TNRC6A: variants seen among roughly 807,000 people sequenced by gnomAD.
TNRC6A encodes trinucleotide repeat-containing gene 6A protein.
TNRC6A carries 44 observed loss-of-function variants against 221.2 expected under a neutral mutation model. That is an observed-to-expected ratio of 0.20 (90% CI 0.16 to 0.26). The LOEUF is 0.26. Ranked by LOEUF, TNRC6A falls within the 10% of genes least tolerant of loss-of-function variation. The probability of loss-of-function intolerance (pLI) is 1.00; values close to 1 mark genes in which losing one functional copy is unlikely to be tolerated. For missense variants in TNRC6A, 2,199 were observed against 2,404.4 expected (o/e 0.91, Z 1.79); for synonymous variants, 847 against 838.5 (o/e 1.01, Z -0.18).
intron 21 of TNRC6A, chr16:24,819,783 C>T (rs2058731887): frequency 4.6e-6 from 1 of 219,302 alleles, no homozygotes; most frequent in Non-Finnish European, 9.1e-6. Flanking sequence ...CTAAAATTCA[C>T]TTAAATGGCC....
At chr16:24,679,747 G>A (rs775718671) in intron 2 of TNRC6A, among the ~76,000 whole-genome samples, 19 of 151,996 alleles carry the variant, frequency 1.3e-4, no homozygotes, top group Non-Finnish European at 2.6e-4. Flanking sequence ...AAAGTGCTAG[G>A]ATTACAGGCG....
chr16:24,707,192 C>T lies in TNRC6A; in HGVS notation n.403-43534C>T, dbSNP rs149054694. On this transcript the variant is annotated intron_variant and non_coding_transcript_variant, in intron 2 of 2. Coordinates refer to the TNRC6A transcript ENST00000566108. Reference sequence around the variant, plus strand: ...TGTATTTTTAGTAGAGACAGGGTTTCAACATATTGGCCAGGCTGGTCTCAA... The same window carrying T: ...TGTATTTTTAGTAGAGACAGGGTTTTAACATATTGGCCAGGCTGGTCTCAA... Among the ~76,000 whole-genome samples, 68 of 152,100 alleles carry T rather than the reference C, an allele frequency of 4.5e-4. 2 individuals are homozygous for T. The East Asian group carries it at 0.01, about 23-fold the overall frequency.
At chr16:24,753,404 G>A (rs1438884773) in intron 3 of TNRC6A, among the ~76,000 whole-genome samples, 1 of 152,314 alleles carries the variant, frequency 6.6e-6, no homozygotes, top group African/African-American at 2.4e-5. Flanking sequence ...TATAAAGGAA[G>A]GTTTAATACC....
chr16:24,771,695 T>C (rs1167942366), intron 4 of TNRC6A, among the ~76,000 whole-genome samples: 1 of 152,120 alleles, frequency 6.6e-6, no homozygotes, highest in Non-Finnish European at 1.5e-5. Flanking sequence ...GCGATCCTCC[T>C]GCCTCAGGAC....
At chr16:24,729,435 C>A (rs1000731814), upstream of TNRC6A, among the ~76,000 whole-genome samples, 1 of 151,186 alleles carries the variant, frequency 6.6e-6, no homozygotes, top group African/African-American at 2.4e-5. Flanking sequence ...CCGGCCGCAC[C>A]GAAAAAGGTT....
chr16:24,730,871 G>A (rs1409823708), intron 2 of TNRC6A, among the ~76,000 whole-genome samples: 1 of 150,826 alleles, frequency 6.6e-6, no homozygotes, highest in Non-Finnish European at 1.5e-5. Context: ...TCCATGTTCG[G>A]TGTGTGCTCT....
intron 2 of TNRC6A, among the ~76,000 whole-genome samples, chr16:24,730,840 TC>T (rs1446051875): frequency 1.3e-5 from 2 of 149,350 alleles, no homozygotes; most frequent in Non-Finnish European, 3.0e-5. Context: ...CGTTTTGTTT[TC>T]CTTCGAAACT....
rs758363613 is a variant in TNRC6A at position 24,793,666 on chromosome 16, G to A, written c.3352+17G>A. ...GCAAATCTGGTAAGTTATTGACAAT[G>A]CCTGGTAGCTGTTATGTAGCAGTGG... On this transcript the variant is annotated intron_variant, in intron 7 of 24. Coordinates refer to ENST00000395799, the MANE Select transcript of TNRC6A (RefSeq NM_014494.4). 6 of 1,407,560 alleles carry A rather than the reference G, an allele frequency of 4.3e-6. No individual in the cohort carries two copies. The highest frequency in any genetic ancestry group is 5.6e-6 in the Non-Finnish European group (6 of 1,067,728). 87.2% of individuals were successfully genotyped at this position (1,407,560 alleles called of 1,614,324 possible).
chr16:24,665,738 A>C (rs980613951), intron 2 of TNRC6A, among the ~76,000 whole-genome samples: 25 of 152,262 alleles, frequency 1.6e-4, no homozygotes, highest in African/African-American at 6.0e-4. Context: ...AGACATTGTC[A>C]ATTGACCAGT....
At chr16:24,708,843 G>A (rs935221591) in intron 2 of TNRC6A, among the ~76,000 whole-genome samples, 4 of 152,100 alleles carry the variant, frequency 2.6e-5, no homozygotes, top group Admixed American at 2.6e-4. Flanking sequence ...TTCTCTTCGT[G>A]GCTCAGTAGT....
intron 4 of TNRC6A, among the ~76,000 whole-genome samples, chr16:24,771,628 T>TGTTA (rs1567449399): frequency 6.6e-6 from 1 of 151,802 alleles, no homozygotes; most frequent in African/African-American, 2.4e-5. Context: ...TGTTATGTTA[T>TGTTA]TCAGGAGTTG....
chr16:24,750,458 T>A (rs1280573705), intron 2 of TNRC6A, among the ~76,000 whole-genome samples: 1 of 152,194 alleles, frequency 6.6e-6, no homozygotes, highest in Admixed American at 6.5e-5. Flanking sequence ...TGTTTCCCAA[T>A]GTAAAATTTG....
intron 2 of TNRC6A, among the ~76,000 whole-genome samples, chr16:24,705,899 A>C (rs1396628175): frequency 6.6e-6 from 1 of 152,202 alleles, no homozygotes; most frequent in African/African-American, 2.4e-5. Flanking sequence ...TACAAAGTGG[A>C]GACAACATAA....
At chr16:24,760,415 A>G (rs1481413963) in intron 4 of TNRC6A, among the ~76,000 whole-genome samples, 3 of 152,238 alleles carry the variant, frequency 2.0e-5, no homozygotes, top group African/African-American at 7.2e-5. Flanking sequence ...TACATAAAAT[A>G]TGAACATATT....
rs2058835504 is a variant in TNRC6A at position 24,824,574 on chromosome 16, G to GT, written c.*773dup. ...TTCTTGTTTACAGATTTTTTTGTTT[G>GT]TTTTTTGAGAAAAAAAAATGTTTAC... On this transcript the variant is annotated 3_prime_UTR_variant, in exon 25 of 25. Transcript: ENST00000395799. The GT allele has an allele frequency of 6.7e-6, 1 of 149,184 alleles. No homozygotes were observed. Among genetic ancestry groups the GT allele is most frequent in the Non-Finnish European group, 1.5e-5 (1 of 67,334 alleles). 9.2% of individuals were successfully genotyped at this position (149,184 alleles called of 1,614,324 possible). A position where few individuals can be genotyped will look rare whatever the true frequency, so the allele number is the denominator to read the frequency against.
chr16:24,762,062 T>C (rs970058016), intron 4 of TNRC6A, among the ~76,000 whole-genome samples: 3 of 152,206 alleles, frequency 2.0e-5, no homozygotes, highest in African/African-American at 7.2e-5. Flanking sequence ...AAGGGAGTTA[T>C]GGGAAGCCCG....
chr16:24,746,668 C>T (rs78447844), intron 2 of TNRC6A, among the ~76,000 whole-genome samples: 1,576 of 152,228 alleles, frequency 0.01, 35 homozygotes, highest in African/African-American at 0.036. Context: ...TTTAAAAATT[C>T]ATTGTGAATA....
At position 24,804,683 on chromosome 16, in the gene TNRC6A, ATCTT is replaced by A; in HGVS notation, c.3838-18_3838-15del. On this transcript the variant is annotated intron_variant, in intron 12 of 24. Coordinates refer to ENST00000395799, the MANE Select transcript of TNRC6A (RefSeq NM_014494.4). ...CTTGTTTGCTTGGCTGGTGTTGCACATCTTTCTGTCTGTCCAATCAGGATGGCAT... is the reference window on the plus strand; with the variant it reads ...CTTGTTTGCTTGGCTGGTGTTGCACATCTGTCTGTCCAATCAGGATGGCAT... 6.4e-7 allele frequency: 1 copy of A among 1,556,794 alleles called. No individual in the cohort carries two copies. Among genetic ancestry groups the A allele is most frequent in the South Asian group, 1.2e-5 (1 of 81,012 alleles).
chr16:24,784,843 C>T (rs1026185927), intron 5 of TNRC6A, among the ~76,000 whole-genome samples: 2 of 152,164 alleles, frequency 1.3e-5, no homozygotes, highest in African/African-American at 4.8e-5. Flanking sequence ...GGTGATAGAA[C>T]TCATTTGCAG....
Sources: allele counts gnomAD v4.1 joint callset (sites outside exome capture counted in the v4.1 genomes callset), GRCh38; gene constraint gnomAD v4.1.1; transcripts MANE v1.5; gene names NCBI Gene and HGNC (gene_info 2026-07-23, HGNC 2026-07-21).